Variants in DNAH3 observed in about 807,000 individuals in gnomAD.
DNAH3 encodes the protein axonemal beta dynein heavy chain 3.
In DNAH3, 332 loss-of-function variants were observed where a neutral mutation model predicts 432.5. That is an observed-to-expected ratio of 0.77 (90% CI 0.70 to 0.84). DNAH3 has a LOEUF of 0.84. Among genes scored for constraint, DNAH3 ranks in the 40% least tolerant of loss-of-function variants. The probability of loss-of-function intolerance (pLI) is 0.00; values close to 1 mark genes in which losing one functional copy is unlikely to be tolerated. For synonymous variants in DNAH3, 1,956 were observed against 1,900.2 expected (o/e 1.03, Z -0.76); for missense variants, 4,861 against 5,114.0 (o/e 0.95, Z 1.51).
At chr16:21,145,547 T>C in intron 2 of DNAH3, 141 bp from the exon 4 acceptor site, 2 of 710,032 alleles carry the variant, frequency 2.8e-6, no homozygotes, top group Non-Finnish European at 4.9e-6. Flanking sequence ...GGAAAGATTG[T>C]CTGAACAGAC....
At chr16:21,050,215 G>A (rs903060736) in intron 29 of DNAH3, among the ~76,000 whole-genome samples, 197 bp from the exon 30 acceptor site, 5 of 152,130 alleles carry the variant, frequency 3.3e-5, no homozygotes, top group Non-Finnish European at 7.4e-5. Flanking sequence ...AATTATATGA[G>A]CAATACAATA....
At chr16:21,132,153 C>T (rs998919367) in intron 7 of DNAH3, among the ~76,000 whole-genome samples, 1 of 152,132 alleles carries the variant, frequency 6.6e-6, no homozygotes, top group East Asian at 1.9e-4. Context: ...CTCTGTCCTA[C>T]GTTGACTTCA....
At position 21,114,563 on chromosome 16, in the gene DNAH3, C is replaced by T. The variant is rs187164893; in HGVS notation, c.1815-2465G>A. ...CTGTCAATCCAGAAAGACAAACAACCCCATCAAAAAGTGGGCGAAGGATAT... is the reference window on the plus strand; with the variant it reads ...CTGTCAATCCAGAAAGACAAACAACTCCATCAAAAAGTGGGCGAAGGATAT... On this transcript the variant is annotated intron_variant, in intron 12 of 61. Coordinates refer to ENST00000261383, the Ensembl canonical transcript of DNAH3. Among the ~76,000 whole-genome samples, 281 of 152,164 alleles carry T rather than the reference C, an allele frequency of 1.8e-3. 1 individual carries two copies. The highest frequency in any genetic ancestry group is 6.4e-3 in the African/African-American group (265 of 41,506).
chr16:21,133,443 A>G (rs575956588), intron 7 of DNAH3, among the ~76,000 whole-genome samples: 37 of 151,502 alleles, frequency 2.4e-4, no homozygotes, highest in African/African-American at 8.7e-4. Flanking sequence ...TAAATGTTCT[A>G]TTATAACCAA....
chr16:20,966,023 T>C (rs1197717810), intron 52 of DNAH3, among the ~76,000 whole-genome samples: 2 of 74,336 alleles, frequency 2.7e-5, no homozygotes, highest in Non-Finnish European at 5.0e-5. Context: ...AATTTTTTTT[T>C]TTTTTTTTTT....
intron 1 of DNAH3, among the ~76,000 whole-genome samples, chr16:21,157,336 CTTTTTTTT>C (rs34449371): frequency 8.9e-6 from 1 of 111,874 alleles, no homozygotes; most frequent in Non-Finnish European, 1.8e-5. Flanking sequence ...GTGATTGCTT[CTTTTTTTT>C]TTTTTTTTTT....
chr16:21,062,701 A>G lies in DNAH3; in HGVS notation c.3519-18T>C, dbSNP rs775667705. On this transcript the variant is annotated intron_variant, in intron 24 of 61. Coordinates refer to ENST00000261383, the Ensembl canonical transcript of DNAH3. The stretch of plus-strand genomic sequence containing the variant: ...AGAAGAATCTATTTCAAAGCAAAGA[A>G]AGATGGTAACTGGAACCTCTTCCAA... The G allele has an allele frequency of 1.2e-6, 2 of 1,602,800 alleles. No homozygotes were observed. Among genetic ancestry groups the G allele is most frequent in the East Asian group, 4.5e-5 (2 of 44,696 alleles).
chr16:20,994,751 CT>C (rs1420565017), intron 44 of DNAH3, among the ~76,000 whole-genome samples: 3 of 152,102 alleles, frequency 2.0e-5, no homozygotes, highest in African/African-American at 7.2e-5. Flanking sequence ...CAGTATTTGC[CT>C]TTTTGTGAAT....
intron 61 of DNAH3, among the ~76,000 whole-genome samples, chr16:20,934,513 A>G (rs2152563728): frequency 6.6e-6 from 1 of 152,310 alleles, no homozygotes; most frequent in East Asian, 1.9e-4. Context: ...GTTTTATAGT[A>G]AAGTGTTGAG....
intron 56 of DNAH3, among the ~76,000 whole-genome samples, chr16:20,949,409 C>T (rs951195828): frequency 1.3e-5 from 2 of 151,834 alleles, no homozygotes; most frequent in Non-Finnish European, 2.9e-5. Flanking sequence ...AGACCACATT[C>T]ATATAACTTT....
Position 20,995,683 on chromosome 16 carries a change from T to G in DNAH3, c.6601+1600A>C, listed in dbSNP as rs536006883. 3.5e-4 allele frequency among the ~76,000 whole-genome samples: 54 copies of G among 152,316 alleles called. 1 individual carries two copies. The South Asian group carries it at 8.7e-3, about 25-fold the overall frequency. On this transcript the variant is annotated intron_variant, in intron 44 of 61. Coordinates refer to ENST00000261383, the Ensembl canonical transcript of DNAH3. ...TGCTTTGTTTCTATTCATCTTAACC[T>G]TCTCCATTCTGATTCAGCTACCAGC...
intron 7 of DNAH3, among the ~76,000 whole-genome samples, chr16:21,128,618 C>T (rs548426805): frequency 5.3e-5 from 8 of 151,276 alleles, no homozygotes; most frequent in African/African-American, 7.3e-5. Context: ...TGCTTGAACT[C>T]GGGAGGTGGA....
rs1203646769 is a variant in DNAH3 at position 21,000,495 on chromosome 16, T to G, written c.6150A>C (p.Thr2050=). The change falls in exon 43 of 62, where the codon ACA becomes ACC. Residue 2050 remains threonine (T), a synonymous_variant. Transcript: ENST00000261383. ...AGAAGGACTGCCGGGCTGTCTCCAT[T>G]GTGGGGATGATGAGTTCTGAGACCT... The G allele has an allele frequency of 3.1e-6, 5 of 1,609,838 alleles. No homozygotes were observed. The South Asian group carries it at 3.3e-5, about 11-fold the overall frequency.
exon 41 of DNAH3, chr16:21,019,709 G>A: frequency 6.2e-7 from 1 of 1,614,156 alleles, no homozygotes; most frequent in Non-Finnish European, 8.5e-7. Context: ...TCAGGTTGCG[G>A]AAAAACACAT....
At chr16:21,117,128 T>C (rs2092222494) in intron 12 of DNAH3, 75 bp downstream of exon 12, 2 of 973,506 alleles carry the variant, frequency 2.1e-6, no homozygotes, top group Admixed American at 4.6e-5. Flanking sequence ...CAGGAATACC[T>C]TATTGGATGA....
intron 12 of DNAH3, among the ~76,000 whole-genome samples, chr16:21,115,713 TAATAAAATAAATAA>T (rs1360949198): frequency 7.7e-6 from 1 of 129,874 alleles, no homozygotes; most frequent in Admixed American, 7.9e-5. Context: ...TCTCAAAAAA[TAATAAAATAAATAA>T]AATAAAATAA....
At chr16:20,942,684 C>T (rs759781136) in intron 58 of DNAH3, among the ~76,000 whole-genome samples, 3 of 152,044 alleles carry the variant, frequency 2.0e-5, no homozygotes, top group South Asian at 2.1e-4. Context: ...GTTCTGGCTC[C>T]GTCCTTGATT....
chr16:21,139,776 C>CT lies in DNAH3; in HGVS notation c.696+759dup, dbSNP rs71275930. Among the ~76,000 whole-genome samples, 558 of 86,216 alleles carry CT rather than the reference C, an allele frequency of 6.5e-3. 19 individuals are homozygous for CT. The highest frequency in any genetic ancestry group is 8.1e-3 in the African/African-American group (167 of 20,596). 56.6% of individuals were successfully genotyped at this position (86,216 alleles called of 152,430 possible). ...AGTCACCATGCCCAGCCACCTCATTCTTTTTTTTTTTTTTTTTTTTTGAGA... is the reference window on the plus strand; with the variant it reads ...AGTCACCATGCCCAGCCACCTCATTCTTTTTTTTTTTTTTTTTTTTTTGAGA... On this transcript the variant is annotated intron_variant, in intron 5 of 61. Coordinates refer to ENST00000261383, the Ensembl canonical transcript of DNAH3.
chr16:21,109,076 T>C (rs1430885231), intron 14 of DNAH3, among the ~76,000 whole-genome samples: 1 of 142,994 alleles, frequency 7.0e-6, no homozygotes, highest in African/African-American at 2.6e-5. Context: ...TGAGCCAAGA[T>C]CATGCCACTG....
Sources: gnomAD v4.1 joint callset for allele counts (sites outside exome capture counted in the v4.1 genomes callset) on GRCh38, gnomAD v4.1.1 for gene constraint, MANE v1.5 for transcripts, NCBI Gene and HGNC (gene_info 2026-07-23, HGNC 2026-07-21) for gene names.